NREP: variants seen among roughly 807,000 people sequenced by gnomAD.
The protein encoded by NREP is neuronal regeneration-related protein.
Under a neutral mutation model 8.6 loss-of-function variants are expected in NREP, and 5 were observed. That is an observed-to-expected ratio of 0.58 (90% CI 0.30 to 1.22). The LOEUF is 1.22. Ranked by LOEUF, NREP falls within the 50% of genes most tolerant of loss-of-function variation. The pLI, the probability that NREP is intolerant of heterozygous loss-of-function variation, is 0.07. For synonymous variants in NREP, 27 were observed against 28.0 expected (o/e 0.96, Z 0.11); for missense variants, 86 against 82.5 (o/e 1.04, Z -0.17).
At chr5:111,919,869 G>GAGAGAGAAAGAAAGAAAGAAAGAA (rs1400988710) in intron 2 of NREP, among the ~76,000 whole-genome samples, 2 of 125,116 alleles carry the variant, frequency 1.6e-5, no homozygotes, top group East Asian at 2.7e-4. Flanking sequence ...CTTGAAGAGA[G>GAGAGAGAAAGAAAGAAAGAAAGAA]AGAAAGAAAG....
chr5:111,755,792 G>A lies in NREP; in HGVS notation c.-20C>T. The A allele has an allele frequency of 6.2e-7, 1 of 1,613,676 alleles. No homozygotes were observed. Among genetic ancestry groups the A allele is most frequent in the East Asian group, 2.2e-5 (1 of 44,860 alleles). ...TACCATTTTGAGAATCTTAGTCTTGGGCTTCTATTCTCCCTCTCTTCAGTC... is the reference window on the plus strand; with the variant it reads ...TACCATTTTGAGAATCTTAGTCTTGAGCTTCTATTCTCCCTCTCTTCAGTC... On this transcript the variant is annotated 5_prime_UTR_variant, in exon 2 of 4. Transcript: ENST00000257435.
chr5:111,794,976 T>C (rs1751842752), intron 2 of NREP, among the ~76,000 whole-genome samples: 1 of 145,176 alleles, frequency 6.9e-6, no homozygotes, highest in South Asian at 2.2e-4. Context: ...TTCATTTTGC[T>C]GTGAATTTAA....
intron 2 of NREP, among the ~76,000 whole-genome samples, chr5:111,912,290 CA>C (rs905555880): frequency 6.6e-6 from 1 of 151,962 alleles, no homozygotes; most frequent in Admixed American, 6.6e-5. Flanking sequence ...CCCACCCTGG[CA>C]AAATGAGCTA....
chr5:111,880,927 A>G (rs1454864471), intron 2 of NREP, among the ~76,000 whole-genome samples: 1 of 152,056 alleles, frequency 6.6e-6, no homozygotes, highest in East Asian at 1.9e-4. Flanking sequence ...CTGCATTTCC[A>G]TCTGAGGTAC....
intron 2 of NREP, among the ~76,000 whole-genome samples, chr5:111,842,983 T>C (rs777444667): frequency 6.6e-6 from 1 of 152,160 alleles, no homozygotes; most frequent in Non-Finnish European, 1.5e-5. Context: ...AAATTCTCTG[T>C]CTTTGGCAAA....
intron 2 of NREP, among the ~76,000 whole-genome samples, chr5:111,960,366 C>CAT (rs761813318): frequency 6.6e-6 from 1 of 152,138 alleles, no homozygotes; most frequent in Non-Finnish European, 1.5e-5. Flanking sequence ...CATTCTTTAA[C>CAT]ATATTTAATG....
chr5:111,920,093 C>A (rs1484588124), intron 2 of NREP, among the ~76,000 whole-genome samples: 1 of 151,360 alleles, frequency 6.6e-6, no homozygotes, highest in Non-Finnish European at 1.5e-5. Flanking sequence ...AATGTGCATG[C>A]CTGAGCCTAC....
In NREP at chr5:111,950,165, T is replaced by G. The variant is rs953316454; in HGVS notation, c.135+25109A>C. 2.9e-4 allele frequency among the ~76,000 whole-genome samples: 44 copies of G among 151,946 alleles called. 1 individual carries two copies. Among genetic ancestry groups the G allele is most frequent in the African/African-American group, 1.0e-3 (43 of 41,386 alleles). ...GTGGGTGTCTCACTGTGGTTTTGAT[T>G]TGCATTTCTCTAATGACCAGTGACA... On this transcript the variant is annotated intron_variant, in intron 2 of 3. Coordinates refer to the NREP transcript ENST00000395634.
At chr5:111,769,357 G>T (rs1282291977) in intron 2 of NREP, among the ~76,000 whole-genome samples, 1 of 152,084 alleles carries the variant, frequency 6.6e-6, no homozygotes, top group Non-Finnish European at 1.5e-5. Context: ...CAAATCCAAG[G>T]CACAAGAAAC....
intron 2 of NREP, among the ~76,000 whole-genome samples, chr5:111,798,348 A>T (rs908320272): frequency 2.0e-5 from 3 of 152,088 alleles, no homozygotes; most frequent in Non-Finnish European, 2.9e-5. Flanking sequence ...TTCCTGGAAA[A>T]TTTGGGCTTT....
chr5:111,846,393 C>G (rs1202595033), intron 2 of NREP: 2 of 134,702 alleles, frequency 1.5e-5, no homozygotes, highest in African/African-American at 5.5e-5. Flanking sequence ...TAGTCACTTC[C>G]CTTTGCTCCC....
chr5:111,975,432 C>T, intron 1 of NREP: 1 of 1,186,824 alleles, frequency 8.4e-7, no homozygotes, highest in Non-Finnish European at 1.2e-6. Flanking sequence ...CTGAGTGCCA[C>T]AACTCACAGC....
At chr5:111,898,634 C>T (rs923714211) in intron 2 of NREP, among the ~76,000 whole-genome samples, 2 of 152,134 alleles carry the variant, frequency 1.3e-5, no homozygotes, top group African/African-American at 4.8e-5. Context: ...CAGAGTAGGA[C>T]TCTGAAGCAA....
intron 2 of NREP, among the ~76,000 whole-genome samples, chr5:111,886,553 C>G (rs1452619040): frequency 5.1e-4 from 77 of 151,298 alleles, no homozygotes; most frequent in African/African-American, 1.6e-3. Context: ...TTCACAATAG[C>G]AAAGACTTGG....
At chr5:111,784,149 G>A (rs1458961737) in intron 2 of NREP, among the ~76,000 whole-genome samples, 1 of 152,074 alleles carries the variant, frequency 6.6e-6, no homozygotes, top group African/African-American at 2.4e-5. Context: ...TTCTACTTGG[G>A]GCTTTTGATG....
intron 2 of NREP, among the ~76,000 whole-genome samples, chr5:111,787,347 T>C (rs1331251870): frequency 6.6e-6 from 1 of 152,228 alleles, no homozygotes; most frequent in Non-Finnish European, 1.5e-5. Context: ...AATTCTTCCT[T>C]CCAATTGTTA....
intron 2 of NREP, among the ~76,000 whole-genome samples, chr5:111,933,410 T>A (rs1755597189): frequency 6.6e-6 from 1 of 152,130 alleles, no homozygotes; most frequent in Non-Finnish European, 1.5e-5. Context: ...AATTATGGAA[T>A]AATTTTTCAG....
At chr5:111,880,041 T>A in intron 2 of NREP, among the ~76,000 whole-genome samples, 1 of 152,200 alleles carries the variant, frequency 6.6e-6, no homozygotes, top group Non-Finnish European at 1.5e-5. Context: ...TTAATATTCA[T>A]TTCCTTAAGT....
intron 2 of NREP, among the ~76,000 whole-genome samples, chr5:111,873,407 C>T (rs1245742731): frequency 1.3e-5 from 2 of 152,274 alleles, no homozygotes; most frequent in African/African-American, 2.4e-5. Flanking sequence ...AGGGTATCCA[C>T]AAGCCATGTT....
Sources: allele counts gnomAD v4.1 joint callset (sites outside exome capture counted in the v4.1 genomes callset), GRCh38; gene constraint gnomAD v4.1.1; transcripts MANE v1.5; gene names NCBI Gene and HGNC (gene_info 2026-07-23, HGNC 2026-07-21).